The following DPP10 variants were observed in gnomAD, a reference collection of about 807,000 sequenced individuals.
DPP10 encodes dipeptidyl peptidase like 10.
A neutral mutation model predicts 120.9 loss-of-function variants in DPP10; 33 were observed. That is an observed-to-expected ratio of 0.27 (90% confidence interval 0.21 to 0.37). The LOEUF is 0.37. Ranked by LOEUF, DPP10 falls within the 10% of genes least tolerant of loss-of-function variation. DPP10 has a pLI of 1.00. For synonymous variants in DPP10, 337 were observed against 326.1 expected (o/e 1.03, Z -0.36); for missense variants, 816 against 942.8 (o/e 0.87, Z 1.76).
chr2:115,331,750 G>C (rs7598341), intron 2 of DPP10, among the ~76,000 whole-genome samples: 108,273 of 152,018 alleles, frequency 0.71, 39,069 homozygotes, highest in Admixed American at 0.78. Flanking sequence ...TGTTGAACCA[G>C]TCTTGCATCC....
At chr2:115,806,727 T>A (rs1262456305) in intron 19 of DPP10, among the ~76,000 whole-genome samples, 2 of 152,198 alleles carry the variant, frequency 1.3e-5, no homozygotes, top group Non-Finnish European at 2.9e-5. Flanking sequence ...TACATTCCCA[T>A]GCTGAATTGC....
At chr2:115,633,298 G>A (rs564997539) in intron 5 of DPP10, among the ~76,000 whole-genome samples, 36 of 152,118 alleles carry the variant, frequency 2.4e-4, no homozygotes, top group African/African-American at 8.2e-4. Context: ...GGATGAAGCT[G>A]GAAACCATCA....
chr2:114,591,628 C>G (rs1046933327), intron 1 of DPP10, among the ~76,000 whole-genome samples: 1 of 145,984 alleles, frequency 6.9e-6, no homozygotes, highest in African/African-American at 2.6e-5. Context: ...AATCTTGGCT[C>G]ACTGCAACCT....
At position 115,075,741 on chromosome 2, in the gene DPP10, A is replaced by T. The variant is rs60059345; in HGVS notation, c.61-233498A>T. Among the ~76,000 whole-genome samples, 1,161 of 147,486 alleles carry T rather than the reference A, an allele frequency of 7.9e-3. 10 individuals carry two copies. The highest frequency in any genetic ancestry group is 0.028 in the African/African-American group (1,111 of 40,044). On this transcript the variant is annotated intron_variant, in intron 1 of 25. Transcript: ENST00000410059. ...TTTTTAATGTTAGGCAACTCCTTTTATTCCATAATGAGAAAACACCTGCTT... is the reference window on the plus strand; with the variant it reads ...TTTTTAATGTTAGGCAACTCCTTTTTTTCCATAATGAGAAAACACCTGCTT...
intron 5 of DPP10, among the ~76,000 whole-genome samples, chr2:115,584,484 AAG>A (rs1398338350): frequency 6.6e-6 from 1 of 152,198 alleles, no homozygotes; most frequent in African/African-American, 2.4e-5. Context: ...GGAAGAAAGA[AAG>A]AAGAATGTAG....
At chr2:115,730,540 C>T (rs2092880647) in intron 8 of DPP10, among the ~76,000 whole-genome samples, 2 of 152,166 alleles carry the variant, frequency 1.3e-5, no homozygotes, top group Non-Finnish European at 2.9e-5. Context: ...AGGGTATACT[C>T]AATGTAGACC....
intron 3 of DPP10, among the ~76,000 whole-genome samples, chr2:115,437,449 T>C (rs1160426212): frequency 3.9e-5 from 6 of 152,042 alleles, no homozygotes. Context: ...TCTATGAGGA[T>C]GAAGTGGAGT....
intron 1 of DPP10, among the ~76,000 whole-genome samples, chr2:114,942,402 C>CATATATATATATATAT (rs61579596): frequency 1.6e-4 from 20 of 127,806 alleles, no homozygotes; most frequent in Admixed American, 2.5e-4. Flanking sequence ...CACACACACA[C>CATATATATATATATAT]ATATATATAT....
chr2:115,389,157 A>G (rs542266482), intron 3 of DPP10, among the ~76,000 whole-genome samples: 7 of 152,120 alleles, frequency 4.6e-5, no homozygotes, highest in Non-Finnish European at 1.0e-4. Context: ...CTTGACTCCT[A>G]TAAGCTTAAT....
intron 1 of DPP10, chr2:114,462,254 C>T: frequency 3.7e-6 from 2 of 534,936 alleles, no homozygotes; most frequent in Non-Finnish European, 4.8e-6. Flanking sequence ...TAATATTTTA[C>T]ACTACTATAG....
At chr2:114,498,341 C>A (rs1443518181) in intron 1 of DPP10, among the ~76,000 whole-genome samples, 3 of 152,130 alleles carry the variant, frequency 2.0e-5, no homozygotes, top group Non-Finnish European at 4.4e-5. Flanking sequence ...CCCTGCCAGG[C>A]TTTGGTAACC....
intron 3 of DPP10, among the ~76,000 whole-genome samples, chr2:115,348,767 T>G (rs906041473): frequency 6.6e-6 from 1 of 152,166 alleles, no homozygotes; most frequent in Non-Finnish European, 1.5e-5. Flanking sequence ...CATACCATCA[T>G]GTAATGAGAT....
At chr2:115,076,533 A>G (rs1412528159) in intron 1 of DPP10, among the ~76,000 whole-genome samples, 1 of 152,114 alleles carries the variant, frequency 6.6e-6, no homozygotes, top group Non-Finnish European at 1.5e-5. Context: ...ATAATTATGT[A>G]TTGATAAGTA....
At chr2:114,511,783 G>A (rs190297249) in intron 1 of DPP10, among the ~76,000 whole-genome samples, 2 of 152,268 alleles carry the variant, frequency 1.3e-5, no homozygotes, top group East Asian at 3.9e-4. Flanking sequence ...CTGCAAGTTT[G>A]ATCCACAAAG....
Position 115,689,708 on chromosome 2 carries a change from G to T in DPP10, c.463G>T (p.Ala155Ser). ...VKQIFHYSYT[A>S]SYVIYNIHTR... The stretch of plus-strand genomic sequence containing the variant: ...TCAGATTTTTCATTATTCGTATACT[G>T]CTTCATATGTGATTTACAACATACA... Residue 155 changes from alanine (A) to serine (S), a missense_variant, in exon 6 of 26, where the codon GCT (alanine) becomes TCT (serine). Transcript: ENST00000410059. 1 of 1,583,454 alleles carries T rather than the reference G, an allele frequency of 6.3e-7. No homozygotes were observed. Among genetic ancestry groups the T allele is most frequent in the Non-Finnish European group, 8.6e-7 (1 of 1,157,688 alleles).
chr2:114,716,180 T>A (rs1437216464), intron 1 of DPP10, among the ~76,000 whole-genome samples: 1 of 151,828 alleles, frequency 6.6e-6, no homozygotes, highest in African/African-American at 2.4e-5. Context: ...AAAGAAAATT[T>A]AAAAGGAAAA....
chr2:115,506,651 T>C (rs2076956037), intron 4 of DPP10, among the ~76,000 whole-genome samples: 1 of 152,138 alleles, frequency 6.6e-6, no homozygotes, highest in Admixed American at 6.6e-5. Context: ...TTGAATTAAA[T>C]ATATGTATGT....
At chr2:115,663,860 T>G (rs981304020) in intron 5 of DPP10, among the ~76,000 whole-genome samples, 1 of 151,986 alleles carries the variant, frequency 6.6e-6, no homozygotes, top group Non-Finnish European at 1.5e-5. Flanking sequence ...CCGGGTGTGG[T>G]GGCGTGCACC....
At chr2:115,025,122 C>G (rs1703365913) in intron 1 of DPP10, among the ~76,000 whole-genome samples, 2 of 151,890 alleles carry the variant, frequency 1.3e-5, no homozygotes, top group African/African-American at 4.8e-5. Context: ...TTTTATCTAA[C>G]TGTATATTTG....
Sources: gnomAD v4.1 joint callset for allele counts (sites outside exome capture counted in the v4.1 genomes callset) on GRCh38, gnomAD v4.1.1 for gene constraint, MANE v1.5 for transcripts, NCBI Gene and HGNC (gene_info 2026-07-23, HGNC 2026-07-21) for gene names.